LRRC3C: variants seen among roughly 807,000 people sequenced by gnomAD.
The protein encoded by LRRC3C is leucine rich repeat containing 3C.
Under a neutral mutation model 14.8 loss-of-function variants are expected in LRRC3C, and 11 were observed. The ratio of observed to expected loss-of-function variants is 0.74; its 90% confidence interval spans 0.47 to 1.23. LRRC3C has a LOEUF of 1.23. Ranked by LOEUF, LRRC3C falls within the 50% of genes most tolerant of loss-of-function variation. The pLI is 0.00. For synonymous variants in LRRC3C, 149 were observed against 161.5 expected (o/e 0.92, Z 0.59); for missense variants, 354 against 361.8 (o/e 0.98, Z 0.18).
At chr17:39,929,926 C>T (rs1396809143) in intron 1 of LRRC3C, among the ~76,000 whole-genome samples, 1 of 152,126 alleles carries the variant, frequency 6.6e-6, no homozygotes, top group Non-Finnish European at 1.5e-5. Context: ...GCATAACATA[C>T]ATTCCCCAGG....
chr17:39,937,524 G>A (rs191109825), intron 2 of LRRC3C, among the ~76,000 whole-genome samples: 35 of 152,300 alleles, frequency 2.3e-4, no homozygotes, highest in African/African-American at 3.4e-4. Flanking sequence ...CATCCATGGC[G>A]TGCAAGCCAC....
intron 2 of LRRC3C, among the ~76,000 whole-genome samples, chr17:39,940,503 C>T (rs1255102240): frequency 6.6e-6 from 1 of 152,190 alleles, no homozygotes; most frequent in African/African-American, 2.4e-5. Context: ...GCCTCCACTT[C>T]CCAGGCTCAA....
rs1161104121 is a variant in LRRC3C, at chr17:39,941,444, T to C, written c.-80T>C. ...ACCCCATTTTTATTTTGCACTCAGC[T>C]CTACAATTCCGTGTCCAGTCCTGGT... On this transcript the variant is annotated splice_region_variant and 5_prime_UTR_variant, in exon 3 of 4. Coordinates refer to ENST00000377924, the MANE Select transcript of LRRC3C (RefSeq NM_001195545.2). 2.5e-6 allele frequency: 3 copies of C among 1,178,806 alleles called. No homozygotes were observed. The highest frequency in any genetic ancestry group is 3.1e-5 in the African/African-American group (2 of 65,526). 73.0% of individuals were successfully genotyped at this position (1,178,806 alleles called of 1,614,324 possible). A position where few individuals can be genotyped will look rare whatever the true frequency, so the allele number is the denominator to read the frequency against.
At chr17:39,931,748 C>G (rs933222265) in intron 1 of LRRC3C, among the ~76,000 whole-genome samples, 1 of 91,186 alleles carries the variant, frequency 1.1e-5, no homozygotes, top group African/African-American at 4.4e-5. Context: ...CTCCCTAGTT[C>G]AAGAGATTTT....
chr17:39,931,439 T>C (rs1345134019), intron 1 of LRRC3C, among the ~76,000 whole-genome samples: 1 of 109,670 alleles, frequency 9.1e-6, no homozygotes, highest in South Asian at 3.4e-4. Context: ...GAGAGAGACT[T>C]CGTCTCAAAA....
intron 1 of LRRC3C, among the ~76,000 whole-genome samples, chr17:39,932,479 G>A (rs2144759261): frequency 6.6e-6 from 1 of 151,988 alleles, no homozygotes; most frequent in East Asian, 1.9e-4. Context: ...TGAGGCGGGA[G>A]GATTGCTTGA....
Position 39,941,474 on chromosome 17 carries a change from C to A in LRRC3C, c.-50C>A. 1 of 1,498,012 alleles carries A rather than the reference C, an allele frequency of 6.7e-7. No individual in the cohort carries two copies. Among genetic ancestry groups the A allele is most frequent in the South Asian group, 1.2e-5 (1 of 83,172 alleles). 92.8% of individuals were successfully genotyped at this position (1,498,012 alleles called of 1,614,324 possible). The stretch of plus-strand genomic sequence containing the variant: ...AATTCCGTGTCCAGTCCTGGTCACC[C>A]ATAGTCTTCCAAAATCCAGCAAGAA... On this transcript the variant is annotated 5_prime_UTR_variant, in exon 3 of 4. Transcript: ENST00000377924.
Position 39,944,488 on chromosome 17 carries a change from C to A in LRRC3C, c.582C>A (p.Asp194Glu). ...TGTGTGGCTCAGGAGCCCGACCGGA[C>A]CTCGTGGGGCAGGAGTTCCTGCTGC... ...GIVCGSGARPDLVGQEFLLLA... is the reference protein window; with the variant it reads ...GIVCGSGARPELVGQEFLLLA... The change falls in exon 4 of 4, where the codon GAC becomes GAA. Residue 194 changes from aspartate to glutamate, a missense_variant. By Grantham distance (45) the Asp-to-Glu change is conservative. Coordinates refer to ENST00000377924, the MANE Select transcript of LRRC3C (RefSeq NM_001195545.2). 1 of 1,488,124 alleles carries A rather than the reference C, an allele frequency of 6.7e-7. No homozygotes were observed. Among genetic ancestry groups the A allele is most frequent in the South Asian group, 1.3e-5 (1 of 75,450 alleles). The allele number at this position is 1,488,124 out of a possible 1,614,324, so 92.2% of individuals were successfully genotyped here. A position where few individuals can be genotyped will look rare whatever the true frequency, so the allele number is the denominator to read the frequency against.
intron 2 of LRRC3C, among the ~76,000 whole-genome samples, chr17:39,940,331 C>G (rs1433661102): frequency 6.6e-6 from 1 of 152,194 alleles, no homozygotes; most frequent in Non-Finnish European, 1.5e-5. Context: ...CTGACGAGGT[C>G]CCACAAGACC....
chr17:39,944,245 T>A lies in LRRC3C; in HGVS notation c.339T>A (p.Asn113Lys), dbSNP rs889915532. Residue 113 changes from asparagine to lysine, a missense_variant, in exon 4 of 4, where the codon AAT (asparagine) becomes AAA (lysine). Transcript: ENST00000377924. Reference protein sequence around the residue: ...PVLEELDLSHNALAHLSGAAF... With the variant: ...PVLEELDLSHKALAHLSGAAF... ...TGGAGGAGTTGGATCTGTCCCATAA[T>A]GCCCTTGCCCACCTCTCAGGGGCGG... is the stretch of plus-strand genomic sequence containing the variant. 6.5e-7 allele frequency: 1 copy of A among 1,535,146 alleles called. No homozygotes were observed. The highest frequency in any genetic ancestry group is 1.4e-5 in the African/African-American group (1 of 73,150).
intron 1 of LRRC3C, among the ~76,000 whole-genome samples, chr17:39,931,814 G>A (rs1263953202): frequency 1.3e-5 from 2 of 151,584 alleles, no homozygotes; most frequent in African/African-American, 4.9e-5. Flanking sequence ...CCACATCCAG[G>A]TAATTTTTGT....
At chr17:39,930,868 G>A (rs935091090) in intron 1 of LRRC3C, among the ~76,000 whole-genome samples, 3 of 151,538 alleles carry the variant, frequency 2.0e-5, no homozygotes, top group Admixed American at 6.6e-5. Context: ...ATGGCTGGGC[G>A]TGGTAGCTCA....
chr17:39,933,013 T>C (rs1026232746), intron 1 of LRRC3C, among the ~76,000 whole-genome samples: 2 of 151,404 alleles, frequency 1.3e-5, no homozygotes, highest in Non-Finnish European at 2.9e-5. Context: ...GATGGCGCCA[T>C]TTTACTCCAG....
intron 3 of LRRC3C, among the ~76,000 whole-genome samples, chr17:39,943,435 G>A (rs1386619586): frequency 6.6e-6 from 1 of 152,128 alleles, no homozygotes; most frequent in Non-Finnish European, 1.5e-5. Context: ...GGGGCCAGAG[G>A]TCTATTTTAC....
At chr17:39,936,473 C>T (rs1568118097) in intron 2 of LRRC3C, among the ~76,000 whole-genome samples, 1 of 152,066 alleles carries the variant, frequency 6.6e-6, no homozygotes, top group Non-Finnish European at 1.5e-5. Flanking sequence ...CCGACACAAC[C>T]AACAGAGTGA....
intron 1 of LRRC3C, among the ~76,000 whole-genome samples, chr17:39,933,352 C>G (rs1978702328): frequency 6.6e-6 from 1 of 152,004 alleles, no homozygotes; most frequent in Non-Finnish European, 1.5e-5. Context: ...CATACACCGT[C>G]TTGTGGGCTG....
At chr17:39,942,368 C>G (rs1406987113) in intron 3 of LRRC3C, among the ~76,000 whole-genome samples, 1 of 152,146 alleles carries the variant, frequency 6.6e-6, no homozygotes, top group Admixed American at 6.5e-5. Flanking sequence ...GCGTGGCCTG[C>G]AAATGATGCC....
intron 3 of LRRC3C, among the ~76,000 whole-genome samples, chr17:39,942,837 A>G (rs1362761461): frequency 6.6e-6 from 1 of 152,156 alleles, no homozygotes; most frequent in Non-Finnish European, 1.5e-5. Flanking sequence ...GGGGGAATAC[A>G]GGTTGCTGGA....
At chr17:39,933,114 G>A (rs1290403017) in intron 1 of LRRC3C, among the ~76,000 whole-genome samples, 1 of 152,112 alleles carries the variant, frequency 6.6e-6, no homozygotes, top group Non-Finnish European at 1.5e-5. Flanking sequence ...CTTGAATCAG[G>A]ATGAAGGGAT....
Sources: allele counts gnomAD v4.1 joint callset (sites outside exome capture counted in the v4.1 genomes callset), GRCh38; gene constraint gnomAD v4.1.1; transcripts MANE v1.5; gene names NCBI Gene and HGNC (gene_info 2026-07-23, HGNC 2026-07-21).